The following UNC13C variants were observed in gnomAD, a reference collection of about 807,000 sequenced individuals.
UNC13C encodes protein unc-13 homolog C.
In UNC13C, 174 loss-of-function variants were observed where a neutral mutation model predicts 245.4. The observed-to-expected ratio is 0.71, with a 90% confidence interval of 0.63 to 0.80. UNC13C has a LOEUF of 0.80. Ranked by LOEUF, UNC13C falls within the 30% of genes least tolerant of loss-of-function variation. UNC13C has a pLI of 0.00. For missense variants in UNC13C, 2,829 were observed against 2,602.9 expected (o/e 1.09, Z -1.89); for synonymous variants, 992 against 895.1 (o/e 1.11, Z -1.93).
At chr15:54,354,086 A>G (rs188067658) in intron 17 of UNC13C, among the ~76,000 whole-genome samples, 130 of 152,188 alleles carry the variant, frequency 8.5e-4, no homozygotes, top group African/African-American at 3.0e-3. Flanking sequence ...AATCAAACCC[A>G]CCTGGATTCA....
At chr15:54,179,119 G>C (rs1322933178) in intron 4 of UNC13C, among the ~76,000 whole-genome samples, 3 of 152,104 alleles carry the variant, frequency 2.0e-5, no homozygotes, top group Non-Finnish European at 4.4e-5. Context: ...TGATTGAGTA[G>C]AAGTGATTAA....
At chr15:54,431,652 G>T (rs1225360186) in intron 19 of UNC13C, among the ~76,000 whole-genome samples, 1 of 151,662 alleles carries the variant, frequency 6.6e-6, no homozygotes, top group African/African-American at 2.4e-5. Context: ...AAGACTGTTG[G>T]TTATACATTC....
At chr15:54,331,529 T>A (rs1226900061) in intron 14 of UNC13C, among the ~76,000 whole-genome samples, 1 of 152,072 alleles carries the variant, frequency 6.6e-6, no homozygotes, top group Non-Finnish European at 1.5e-5. Flanking sequence ...AAGTCTGCAT[T>A]TGCTTCCAAA....
intron 17 of UNC13C, among the ~76,000 whole-genome samples, chr15:54,390,967 A>G (rs1364534627): frequency 6.6e-6 from 1 of 152,122 alleles, no homozygotes; most frequent in Non-Finnish European, 1.5e-5. Context: ...TTCTAATGCA[A>G]CAAACGTTAT....
chr15:54,474,050 T>C (rs1169843574), intron 19 of UNC13C, among the ~76,000 whole-genome samples: 1 of 152,038 alleles, frequency 6.6e-6, no homozygotes, highest in Non-Finnish European at 1.5e-5. Flanking sequence ...TTGGGCTTAC[T>C]GCATTTTTTA....
intron 19 of UNC13C, among the ~76,000 whole-genome samples, chr15:54,442,926 C>G (rs142391575): frequency 2.6e-5 from 4 of 151,892 alleles, no homozygotes; most frequent in Non-Finnish European, 5.9e-5. Flanking sequence ...AATTCTGGCC[C>G]CATAGAATTC....
At chr15:54,348,306 T>C (rs2038905753) in intron 17 of UNC13C, among the ~76,000 whole-genome samples, 1 of 152,180 alleles carries the variant, frequency 6.6e-6, no homozygotes, top group Admixed American at 6.5e-5. Context: ...AATGTGGACC[T>C]GATTTTGAGC....
In UNC13C at chr15:54,567,809, C is replaced by T. The variant is rs1322225942; in HGVS notation, c.5968C>T (p.His1990Tyr). ...TTTTTTTTCTTTGTAGCAATACTTT[C>T]ATGCAGGAGGAAATGGCCTGAAAAA... ...VVLATIKQYF[H>Y]AGGNGLKKNF... The change falls in exon 30 of 33, where the codon CAT (histidine) becomes TAT (tyrosine). Residue 1990 changes from histidine to tyrosine, a missense_variant. Coordinates refer to ENST00000260323, the MANE Select transcript of UNC13C (RefSeq NM_001080534.3). 6.3e-7 allele frequency: 1 copy of T among 1,595,266 alleles called. No homozygotes were observed. The highest frequency in any genetic ancestry group is 1.1e-5 in the South Asian group (1 of 88,170).
intron 17 of UNC13C, among the ~76,000 whole-genome samples, chr15:54,344,568 C>G (rs1364247419): frequency 6.6e-6 from 1 of 152,048 alleles, no homozygotes; most frequent in Non-Finnish European, 1.5e-5. Flanking sequence ...ATTTGAAATT[C>G]TAAAGGAAGC....
intron 28 of UNC13C, among the ~76,000 whole-genome samples, chr15:54,553,388 TA>T (rs963675064): frequency 7.7e-5 from 10 of 129,190 alleles, no homozygotes; most frequent in African/African-American, 1.1e-4. Flanking sequence ...TATTATGTAT[TA>T]GTATATTATA....
chr15:54,033,652 C>T lies in UNC13C; in HGVS notation c.2983+17766C>T, dbSNP rs545086128. Among the ~76,000 whole-genome samples the T allele has an allele frequency of 3.3e-5, 5 of 152,290 alleles. No homozygotes were observed. The South Asian group carries it at 1.0e-3, about 32-fold the overall frequency. ...GAGACTGGCCACGTTGGAGAATCCT[C>T]TATCTAATTCAGTCCTCTTGTTTTG... is the stretch of plus-strand genomic sequence containing the variant. On this transcript the variant is annotated intron_variant, in intron 2 of 32. Transcript: ENST00000260323.
At chr15:53,851,871 A>T in the UNC13C span, among the ~76,000 whole-genome samples, 1 of 152,182 alleles carries the variant, frequency 6.6e-6, no homozygotes, top group Non-Finnish European at 1.5e-5. Flanking sequence ...TGGGGAGGAC[A>T]AGGAAGCTCT....
intron 2 of UNC13C, among the ~76,000 whole-genome samples, chr15:54,017,749 A>G (rs1053185330): frequency 6.6e-6 from 1 of 152,140 alleles, no homozygotes; most frequent in African/African-American, 2.4e-5. Context: ...GTGGCACTTA[A>G]CCTTGGAATA....
At chr15:54,631,099 C>T (rs1307501949), downstream of UNC13C, 1 of 152,124 alleles carries the variant, frequency 6.6e-6, no homozygotes, top group Admixed American at 6.6e-5. Flanking sequence ...AATCCCAGCA[C>T]ACTGAGAGGC....
At chr15:54,425,547 C>T (rs1210626162) in intron 19 of UNC13C, among the ~76,000 whole-genome samples, 2 of 151,828 alleles carry the variant, frequency 1.3e-5, no homozygotes, top group Non-Finnish European at 2.9e-5. Context: ...TGATTCCTTT[C>T]TCAATTATTG....
intron 17 of UNC13C, among the ~76,000 whole-genome samples, chr15:54,363,620 G>A (rs1359274185): frequency 3.3e-5 from 5 of 152,222 alleles, no homozygotes; most frequent in Non-Finnish European, 7.3e-5. Flanking sequence ...AGCATGGCAT[G>A]ATCAGATATG....
intron 31 of UNC13C, among the ~76,000 whole-genome samples, chr15:54,623,559 T>C (rs1161200877): frequency 1.3e-5 from 2 of 152,184 alleles, no homozygotes; most frequent in Admixed American, 6.6e-5. Context: ...TAGTAACAGA[T>C]ATCATTTTAA....
the UNC13C span, among the ~76,000 whole-genome samples, chr15:53,878,813 T>C: frequency 6.6e-6 from 1 of 152,218 alleles, no homozygotes; most frequent in East Asian, 1.9e-4. Context: ...AGAGATTTAC[T>C]ACTACAGGTC....
chr15:54,336,986 A>G (rs1418163318), intron 16 of UNC13C, among the ~76,000 whole-genome samples: 6 of 152,158 alleles, frequency 3.9e-5, no homozygotes, highest in South Asian at 2.1e-4. Flanking sequence ...CCTTTCATCT[A>G]TAGATAAATC....
Sources: gnomAD v4.1 joint callset for allele counts (sites outside exome capture counted in the v4.1 genomes callset) on GRCh38, gnomAD v4.1.1 for gene constraint, MANE v1.5 for transcripts, NCBI Gene and HGNC (gene_info 2026-07-23, HGNC 2026-07-21) for gene names.